The following PDE11A variants were observed in gnomAD, a reference collection of about 807,000 sequenced individuals.
The protein encoded by PDE11A is dual 3',5'-cyclic-AMP and -GMP phosphodiesterase 11A.
A neutral mutation model predicts 100.5 loss-of-function variants in PDE11A; 100 were observed. That is an observed-to-expected ratio of 1.00 (90% confidence interval 0.85 to 1.18). The LOEUF (loss-of-function observed/expected upper bound fraction) is 1.18, where lower values mean the gene tolerates loss of function less well. Ranked by LOEUF, PDE11A falls within the 50% of genes most tolerant of loss-of-function variation. PDE11A has a pLI of 0.00. For synonymous variants in PDE11A, 381 were observed against 420.8 expected (o/e 0.91, Z 1.16); for missense variants, 1,141 against 1,152.6 (o/e 0.99, Z 0.15).
chr2:178,061,383 C>G (rs1416625788), intron 1 of PDE11A, among the ~76,000 whole-genome samples: 1 of 152,062 alleles, frequency 6.6e-6, no homozygotes, highest in Non-Finnish European at 1.5e-5. Flanking sequence ...CACCCTACCT[C>G]CAACAAAGAA....
At chr2:177,661,051 G>T (rs1407686007) in intron 19 of PDE11A, among the ~76,000 whole-genome samples, 2 of 152,182 alleles carry the variant, frequency 1.3e-5, no homozygotes, top group Non-Finnish European at 2.9e-5. Flanking sequence ...CCTGCAGGAA[G>T]ATCCCAGCTC....
At chr2:177,802,085 A>G (rs531942763) in intron 9 of PDE11A, among the ~76,000 whole-genome samples, 9 of 152,234 alleles carry the variant, frequency 5.9e-5, no homozygotes, top group South Asian at 4.1e-4. Flanking sequence ...AGACATCCAA[A>G]TGGTAAATAA....
chr2:177,949,668 C>T (rs1249988815), intron 2 of PDE11A, among the ~76,000 whole-genome samples: 1 of 152,142 alleles, frequency 6.6e-6, no homozygotes, highest in Non-Finnish European at 1.5e-5. Flanking sequence ...GTACTTAATA[C>T]CTAATGACAA....
chr2:177,899,655 T>TAC (rs34532538), intron 3 of PDE11A: 4 of 215,954 alleles, frequency 1.9e-5, no homozygotes, highest in Non-Finnish European at 2.9e-5. Flanking sequence ...TATATATATA[T>TAC]GTAATTTACA....
chr2:177,768,098 T>C (rs1052484322), intron 10 of PDE11A, among the ~76,000 whole-genome samples: 1 of 152,218 alleles, frequency 6.6e-6, no homozygotes, highest in African/African-American at 2.4e-5. Flanking sequence ...GGATGGAGCC[T>C]GAGCAGTTCC....
chr2:177,907,782 G>A (rs1487808280), intron 2 of PDE11A, among the ~76,000 whole-genome samples: 5 of 152,174 alleles, frequency 3.3e-5, no homozygotes, highest in South Asian at 2.1e-4. Context: ...CAGGCTCACC[G>A]TTCATTATAA....
In PDE11A at chr2:177,989,647, G is replaced by T. The variant is rs141437070; in HGVS notation, c.1071+24655C>A. ...TTTTCTGGTTGGCAGGAATCAAGAA[G>T]TGCATGCTCAGTTAGTCACTGCTCC... On this transcript the variant is annotated intron_variant, in intron 2 of 19. Coordinates refer to ENST00000286063, the MANE Select transcript of PDE11A (RefSeq NM_016953.4). 7.9e-5 allele frequency among the ~76,000 whole-genome samples: 12 copies of T among 152,242 alleles called. No individual in the cohort carries two copies. The East Asian group carries it at 2.1e-3, about 27-fold the overall frequency.
intron 2 of PDE11A, among the ~76,000 whole-genome samples, chr2:177,999,866 G>A (rs976477358): frequency 6.6e-6 from 1 of 152,176 alleles, no homozygotes. Flanking sequence ...AAGCATCTCT[G>A]GGTAGCTCTA....
At chr2:177,791,039 A>G (rs1358292306) in intron 9 of PDE11A, among the ~76,000 whole-genome samples, 5 of 152,208 alleles carry the variant, frequency 3.3e-5, no homozygotes, top group Non-Finnish European at 5.9e-5. Flanking sequence ...ATTACTGGGT[A>G]TATACCCCAA....
intron 12 of PDE11A, among the ~76,000 whole-genome samples, chr2:177,720,590 C>T (rs2081512090): frequency 6.6e-6 from 1 of 152,154 alleles, no homozygotes; most frequent in African/African-American, 2.4e-5. Flanking sequence ...CAGAACCTTT[C>T]CAGCTGATAG....
intron 13 of PDE11A, among the ~76,000 whole-genome samples, chr2:177,706,280 G>A (rs1409599605): frequency 6.6e-6 from 1 of 152,086 alleles, no homozygotes; most frequent in Non-Finnish European, 1.5e-5. Context: ...AAAAAAGGTA[G>A]CATATACTTT....
rs565385570 is a variant in PDE11A, at chr2:178,089,933, G to C, written c.162+14369C>G. On this transcript the variant is annotated intron_variant, in intron 2 of 20. Transcript: ENST00000358450. ...CCACGTAGTCCTGGCCCAAGACTTAGAGAAGCTATAAAAGAATATGTGGCA... is the reference window on the plus strand; with the variant it reads ...CCACGTAGTCCTGGCCCAAGACTTACAGAAGCTATAAAAGAATATGTGGCA... 2.0e-5 allele frequency among the ~76,000 whole-genome samples: 3 copies of C among 152,324 alleles called. No homozygotes were observed. The South Asian group carries it at 6.2e-4, about 32-fold the overall frequency.
intron 17 of PDE11A, among the ~76,000 whole-genome samples, chr2:177,670,674 G>T (rs1269330681): frequency 1.3e-5 from 2 of 152,148 alleles, no homozygotes; most frequent in Non-Finnish European, 2.9e-5. Flanking sequence ...TTGGTCAAGT[G>T]CACAGTATCA....
At chr2:177,782,676 CA>C (rs1056980422) in intron 9 of PDE11A, among the ~76,000 whole-genome samples, 3 of 151,946 alleles carry the variant, frequency 2.0e-5, no homozygotes, top group Admixed American at 2.0e-4. Context: ...ATTTCCACAC[CA>C]AAAAAATCCA....
chr2:177,682,810 C>T (rs1381961296), intron 15 of PDE11A, among the ~76,000 whole-genome samples: 1 of 152,166 alleles, frequency 6.6e-6, no homozygotes, highest in Non-Finnish European at 1.5e-5. Flanking sequence ...TTTGAAGTCT[C>T]TGAGAAATAT....
chr2:177,916,401 C>T (rs948627345), intron 2 of PDE11A, among the ~76,000 whole-genome samples: 3 of 152,204 alleles, frequency 2.0e-5, no homozygotes, highest in Non-Finnish European at 4.4e-5. Flanking sequence ...ATTTCACTTT[C>T]CTACATCCCT....
At chr2:177,971,570 T>A (rs1381827882) in intron 2 of PDE11A, among the ~76,000 whole-genome samples, 1 of 152,176 alleles carries the variant, frequency 6.6e-6, no homozygotes, top group Non-Finnish European at 1.5e-5. Flanking sequence ...AAAACATAGA[T>A]CTGTTCCAAG....
At chr2:177,769,457 G>A in intron 9 of PDE11A, 84 bp from the exon 10 acceptor site, 1 of 787,766 alleles carries the variant, frequency 1.3e-6, no homozygotes, top group Admixed American at 1.9e-5. Flanking sequence ...AATAAGCTTT[G>A]CTTATGTATA....
chr2:178,085,815 A>T (rs2087344541), intron 2 of PDE11A, among the ~76,000 whole-genome samples: 2 of 152,222 alleles, frequency 1.3e-5, no homozygotes, highest in South Asian at 4.1e-4. Flanking sequence ...ATTAAAACTC[A>T]GTACCGGGGC....
Sources: gnomAD v4.1 joint callset for allele counts (sites outside exome capture counted in the v4.1 genomes callset) on GRCh38, gnomAD v4.1.1 for gene constraint, MANE v1.5 for transcripts, NCBI Gene and HGNC (gene_info 2026-07-23, HGNC 2026-07-21) for gene names.